Variants in SPPL2B observed in about 807,000 individuals in gnomAD.
The protein encoded by SPPL2B is signal peptide peptidase like 2B, also known as signal peptide peptidase-like 2B.
SPPL2B carries 39 observed loss-of-function variants against 59.7 expected under a neutral mutation model. The observed-to-expected ratio is 0.65, with a 90% CI of 0.51 to 0.85. SPPL2B has a LOEUF of 0.85. Among genes scored for constraint, SPPL2B ranks in the 40% least tolerant of loss-of-function variants. The probability of loss-of-function intolerance (pLI) is 0.00; values close to 1 mark genes in which losing one functional copy is unlikely to be tolerated. For missense variants in SPPL2B, 865 were observed against 849.0 expected (o/e 1.02, Z -0.23); for synonymous variants, 419 against 370.8 (o/e 1.13, Z -1.49).
In SPPL2B at chr19:2,353,222, ACGCT is replaced by A. The variant is rs1287981885; in HGVS notation, c.*18_*21del. On this transcript the variant is annotated 3_prime_UTR_variant, in exon 15 of 15. Transcript: ENST00000613503. ...CGCCTCGGCCTAGGGGAGGGGTGAG[ACGCT>A]CGCTGCCGTGCCCGCCACACCAAGA... 6 of 1,572,528 alleles carry A rather than the reference ACGCT, an allele frequency of 3.8e-6. No individual in the cohort carries two copies. Among genetic ancestry groups the A allele is most frequent in the Non-Finnish European group, 5.1e-6 (6 of 1,167,582 alleles).
intron 10 of SPPL2B, 58 bp downstream of exon 10, chr19:2,344,097 A>ACCCCCCC: frequency 1.3e-6 from 1 of 760,704 alleles, no homozygotes; most frequent in Non-Finnish European, 1.6e-6. Flanking sequence ...CCCCCTCGCA[A>ACCCCCCC]CCCCCGCCCC....
intron 7 of SPPL2B, chr19:2,340,443 G>A: frequency 3.2e-6 from 2 of 629,382 alleles, no homozygotes; most frequent in Non-Finnish European, 2.9e-6. Flanking sequence ...CCGAACCCTG[G>A]GTTCCCCAGG....
At chr19:2,352,158 A>AT (rs145264081) in intron 14 of SPPL2B, among the ~76,000 whole-genome samples, 15,843 of 152,016 alleles carry the variant, frequency 0.1, 938 homozygotes, top group Non-Finnish European at 0.12. Flanking sequence ...TGCTCTTGTG[A>AT]TTTTTTGTGA....
intron 1 of SPPL2B, among the ~76,000 whole-genome samples, chr19:2,333,985 C>T (rs1046273910): frequency 2.6e-5 from 4 of 152,244 alleles, no homozygotes; most frequent in African/African-American, 9.6e-5. Flanking sequence ...GGCCCCTTGG[C>T]CCACCTGCTT....
intron 3 of SPPL2B, 159 bp from the exon 4 acceptor site, chr19:2,338,593 G>A (rs1180698164): frequency 1.7e-5 from 10 of 578,496 alleles, no homozygotes; most frequent in Middle Eastern, 9.5e-4. Context: ...CCTCCTGGGG[G>A]GCCGGAGGCT....
At chr19:2,328,812 G>A in intron 1 of SPPL2B, 37 bp downstream of exon 1, 2 of 1,344,656 alleles carry the variant, frequency 1.5e-6, no homozygotes, top group South Asian at 1.9e-5. Context: ...ACCGCGGGCT[G>A]CGGCCCTTCG....
chr19:2,333,964 C>T (rs1599198040), intron 1 of SPPL2B, among the ~76,000 whole-genome samples: 1 of 152,336 alleles, frequency 6.6e-6, no homozygotes, highest in East Asian at 1.9e-4. Context: ...ACTCAGGACC[C>T]GGTGCCCGTA....
chr19:2,341,585 G>C (rs888758826), intron 8 of SPPL2B: 1 of 456,164 alleles, frequency 2.2e-6, no homozygotes, highest in African/African-American at 2.0e-5. Flanking sequence ...GCCCGTCCCC[G>C]CCCGGTCCCC....
rs1281442213 is a variant in SPPL2B at position 2,339,709 on chromosome 19, G to T, written c.600-115G>T. On this transcript the variant is annotated intron_variant, in intron 5 of 14. Transcript: ENST00000613503. ...GGTTCCTTGCACTTCAGTCCCCCCC[G>T]GGTCCCCTCCTGCTCCCGGGTTTTC... 4.0e-6 allele frequency: 5 copies of T among 1,262,024 alleles called. No individual in the cohort carries two copies. In the South Asian group the frequency reaches 5.5e-5, roughly 14 times the overall value. The allele number at this position is 1,262,024 out of a possible 1,614,324, so 78.2% of individuals were successfully genotyped here.
chr19:2,343,481 C>CTGGG (rs963958534), intron 9 of SPPL2B, among the ~76,000 whole-genome samples, 189 bp downstream of exon 9: 1 of 152,186 alleles, frequency 6.6e-6, no homozygotes, highest in African/African-American at 2.4e-5. Context: ...CTGAGGCGGC[C>CTGGG]TGGGTGGGTG....
At chr19:2,331,257 C>T (rs1264528558) in intron 1 of SPPL2B, among the ~76,000 whole-genome samples, 1 of 152,218 alleles carries the variant, frequency 6.6e-6, no homozygotes, top group Non-Finnish European at 1.5e-5. Context: ...TTCAAAGGCC[C>T]TTGATGTGGA....
intron 13 of SPPL2B, among the ~76,000 whole-genome samples, chr19:2,347,224 C>A (rs1969440758): frequency 1.4e-5 from 2 of 145,840 alleles, no homozygotes; most frequent in South Asian, 4.5e-4. Flanking sequence ...CACACACACA[C>A]TCACGCGCTC....
In SPPL2B at chr19:2,345,287, C is replaced by G; in HGVS notation, c.1311C>G (p.Ile437Met). ...LLVAYCHRFD[I>M]QVQSSRVYFV... is the part of the protein sequence containing the mutation. Reference sequence around the variant, plus strand: ...TGGCCTACTGCCACAGGTTTGACATCCAGGTACAGTCCTCCAGGGTATACT... The same window carrying G: ...TGGCCTACTGCCACAGGTTTGACATGCAGGTACAGTCCTCCAGGGTATACT... The change falls in exon 13 of 15, where the codon ATC becomes ATG. Residue 437 changes from isoleucine to methionine, a missense_variant. Transcript: ENST00000613503. 6.2e-7 allele frequency: 1 copy of G among 1,613,076 alleles called. No individual in the cohort carries two copies. The highest frequency in any genetic ancestry group is 1.1e-5 in the South Asian group (1 of 91,084).
chr19:2,349,040 C>G (rs1969707789), intron 13 of SPPL2B, among the ~76,000 whole-genome samples: 1 of 150,388 alleles, frequency 6.6e-6, no homozygotes, highest in African/African-American at 2.5e-5. Context: ...TCCACACACA[C>G]TCACGCGCTC....
rs117650978 is a variant in SPPL2B, at chr19:2,335,408, C to T, written c.186+687C>T. On this transcript the variant is annotated intron_variant, in intron 2 of 14. Transcript: ENST00000613503. ...TCAGGCCCCGCCTTCTTTCCCACTG[C>T]ATGCTTCAGGCCCCGCCTCCTTTCC... Among the ~76,000 whole-genome samples, 1,069 of 121,810 alleles carry T rather than the reference C, an allele frequency of 8.8e-3. 136 individuals carry two copies. Among genetic ancestry groups the T allele is most frequent in the East Asian group, 0.055 (163 of 2,966 alleles). 79.9% of individuals were successfully genotyped at this position (121,810 alleles called of 152,430 possible).
At chr19:2,328,948 G>A (rs1447782169) in intron 1 of SPPL2B, among the ~76,000 whole-genome samples, 173 bp downstream of exon 1, 2 of 152,228 alleles carry the variant, frequency 1.3e-5, no homozygotes, top group South Asian at 4.1e-4. Flanking sequence ...TGACCTTGCG[G>A]GTCTGTCCCC....
chr19:2,353,137 G>GAA lies in SPPL2B; in HGVS notation c.1708_1709insAA (p.Ser570LysfsTer17). The GAA allele has an allele frequency of 6.2e-7, 1 of 1,610,776 alleles. No homozygotes were observed. The highest frequency in any genetic ancestry group is 8.5e-7 in the Non-Finnish European group (1 of 1,179,290). ...CTGGAGCCCCCATGCGGGAGCCTGGGAGCCCAGCTGAATCCGAGGGCCGGG... is the reference window on the plus strand; with the variant it reads ...CTGGAGCCCCCATGCGGGAGCCTGGGAAAGCCCAGCTGAATCCGAGGGCCGGG... On this transcript the variant is annotated frameshift_variant, in exon 15 of 15. Coordinates refer to ENST00000613503, the MANE Select transcript of SPPL2B (RefSeq NM_152988.3). LOFTEE classifies it low-confidence loss of function (END_TRUNC).
chr19:2,340,020 C>T (rs978932228), intron 6 of SPPL2B, 54 bp downstream of exon 6: 90 of 1,557,110 alleles, frequency 5.8e-5, no homozygotes, highest in Non-Finnish European at 7.3e-5. Context: ...CCGCCCCGTG[C>T]GGAGGGAGGG....
intron 3 of SPPL2B, 46 bp downstream of exon 3, chr19:2,337,671 A>T: frequency 6.7e-7 from 1 of 1,488,158 alleles, no homozygotes; most frequent in Non-Finnish European, 8.9e-7. Flanking sequence ...CAGGGGCAGG[A>T]GGGGGGTGCA....
Sources: gnomAD v4.1 joint callset for allele counts (sites outside exome capture counted in the v4.1 genomes callset) on GRCh38, gnomAD v4.1.1 for gene constraint, MANE v1.5 for transcripts, NCBI Gene and HGNC (gene_info 2026-07-23, HGNC 2026-07-21) for gene names.